PCDHA10: variants seen among roughly 807,000 people sequenced by gnomAD.
PCDHA10 encodes protocadherin alpha-10.
PCDHA10 carries 45 observed loss-of-function variants against 61.2 expected under a neutral mutation model. The ratio of observed to expected loss-of-function variants is 0.74; its 90% CI spans 0.58 to 0.94. The LOEUF (loss-of-function observed/expected upper bound fraction) is 0.94, where lower values mean the gene tolerates loss of function less well. PCDHA10 is among the 40% of genes least tolerant of loss of function. The pLI is 0.00. For synonymous variants in PCDHA10, 602 were observed against 548.8 expected (o/e 1.10, Z -1.35); for missense variants, 1,278 against 1,236.2 (o/e 1.03, Z -0.51).
intron 1 of PCDHA10, chr5:140,968,519 A>G (rs1030847582): frequency 1.2e-6 from 2 of 1,614,008 alleles, no homozygotes; most frequent in South Asian, 1.1e-5. Flanking sequence ...CCCTACCTCA[A>G]CCAACTCGTC....
At chr5:140,871,659 T>C (rs2153275031) in intron 1 of PCDHA10, 1 of 1,218,398 alleles carries the variant, frequency 8.2e-7, no homozygotes, top group Non-Finnish European at 1.1e-6. Context: ...GATACACATC[T>C]TCAGTCTTTT....
chr5:140,918,748 C>T (rs1303112000), intron 1 of PCDHA10, among the ~76,000 whole-genome samples: 1 of 152,110 alleles, frequency 6.6e-6, no homozygotes, highest in Non-Finnish European at 1.5e-5. Flanking sequence ...ATAAAAGAGG[C>T]CCAGAGAGGT....
intron 3 of PCDHA10, among the ~76,000 whole-genome samples, chr5:140,995,010 T>A (rs1382186138): frequency 6.6e-6 from 1 of 152,156 alleles, no homozygotes; most frequent in Non-Finnish European, 1.5e-5. Context: ...TTGTTTATAT[T>A]TAGGAAAGAA....
At chr5:140,902,125 A>G (rs530625414) in intron 1 of PCDHA10, among the ~76,000 whole-genome samples, 27 of 150,728 alleles carry the variant, frequency 1.8e-4, no homozygotes, top group African/African-American at 6.1e-4. Context: ...CTGAGATTAT[A>G]TCATCTGCAA....
At position 141,011,260 on chromosome 5, in the gene PCDHA10, C is replaced by T. The variant is rs2098420018; in HGVS notation, c.*1323C>T. On this transcript the variant is annotated 3_prime_UTR_variant, in exon 4 of 4. Coordinates refer to ENST00000307360, the MANE Select transcript of PCDHA10 (RefSeq NM_018901.4). ...TGACTTGTCTTGGTGTGCTAGCCTA[C>T]ACCTTCTCTTTGGTTTAGTTTTCCT... The T allele has an allele frequency of 6.5e-6, 1 of 153,766 alleles. No individual in the cohort carries two copies. The highest frequency in any genetic ancestry group is 6.5e-5 in the Admixed American group (1 of 15,278). 9.5% of individuals were successfully genotyped at this position (153,766 alleles called of 1,614,324 possible).
In PCDHA10 at chr5:140,857,908, G is replaced by A. The variant is rs782073504; in HGVS notation, c.1860G>A (p.Pro620=). The A allele has an allele frequency of 1.3e-6, 2 of 1,597,838 alleles. No individual in the cohort carries two copies. The highest frequency in any genetic ancestry group is 1.7e-6 in the Non-Finnish European group (2 of 1,167,552). The change falls in exon 1 of 4, where the codon CCG becomes CCA. Residue 620 remains proline, a synonymous_variant. Transcript: ENST00000307360. ...LQSAAVGARI[P]FRVGLYTGEI... is the part of the protein sequence containing the mutation. ...CGGCGGCGGTTGGTGCACGCATCCC[G>A]TTTCGCGTGGGGCTGTACACGGGCG...
chr5:140,936,235 GA>G (rs1358431789), intron 1 of PCDHA10, among the ~76,000 whole-genome samples: 2 of 152,076 alleles, frequency 1.3e-5, no homozygotes, highest in African/African-American at 4.8e-5. Context: ...TCCTTTTAAA[GA>G]AAACATATCC....
intron 1 of PCDHA10, chr5:140,884,514 CG>C (rs1244903550): frequency 5.0e-6 from 8 of 1,614,058 alleles, no homozygotes; most frequent in Middle Eastern, 1.6e-4. Flanking sequence ...GGGAGTTGGT[CG>C]TACTCGCAGC....
At chr5:140,926,740 A>G (rs1291119790) in intron 1 of PCDHA10, 2 of 1,186,206 alleles carry the variant, frequency 1.7e-6, no homozygotes, top group Non-Finnish European at 2.2e-6. Context: ...CGGGAGGCGC[A>G]ACGTCGGCGG....
At chr5:140,967,171 G>A (rs181864889) in intron 1 of PCDHA10, 2 of 1,611,944 alleles carry the variant, frequency 1.2e-6, no homozygotes, top group Non-Finnish European at 8.5e-7. Flanking sequence ...GCGCCGTTGA[G>A]GTGGAAATAT....
At chr5:141,006,368 C>A (rs1395158727) in intron 3 of PCDHA10, among the ~76,000 whole-genome samples, 1 of 151,954 alleles carries the variant, frequency 6.6e-6, no homozygotes, top group Non-Finnish European at 1.5e-5. Flanking sequence ...CCCACCACCA[C>A]GCCCGGCTAA....
At chr5:140,883,904 G>C in intron 1 of PCDHA10, 1 of 1,613,344 alleles carries the variant, frequency 6.2e-7, no homozygotes, top group Non-Finnish European at 8.5e-7. Context: ...GCCGCCTCTG[G>C]GCAGCAACGT....
intron 1 of PCDHA10, among the ~76,000 whole-genome samples, chr5:140,901,194 T>A (rs562699930): frequency 2.7e-4 from 41 of 152,236 alleles, no homozygotes; most frequent in Non-Finnish European, 5.1e-4. Flanking sequence ...TGCTTTTCTG[T>A]GCAGAAGGTT....
chr5:140,906,337 C>A (rs2072574983), intron 1 of PCDHA10, among the ~76,000 whole-genome samples: 1 of 152,192 alleles, frequency 6.6e-6, no homozygotes, highest in Non-Finnish European at 1.5e-5. Flanking sequence ...ATCCTTCATA[C>A]AACCAAGAAT....
chr5:140,883,175 A>G lies in PCDHA10; in HGVS notation c.2388+24739A>G, dbSNP rs1554177014. ...CATAAATCCGAACAATGGAGAAATTAGGACAAAAGGCAAACTAGATTTCGA... is the reference window on the plus strand; with the variant it reads ...CATAAATCCGAACAATGGAGAAATTGGGACAAAAGGCAAACTAGATTTCGA... On this transcript the variant is annotated intron_variant, in intron 1 of 3. Coordinates refer to ENST00000307360, the MANE Select transcript of PCDHA10 (RefSeq NM_018901.4). 3 of 1,614,060 alleles carry G rather than the reference A, an allele frequency of 1.9e-6. No individual in the cohort carries two copies. Among genetic ancestry groups the G allele is most frequent in the East Asian group, 4.5e-5 (2 of 44,892 alleles).
intron 1 of PCDHA10, chr5:140,969,402 T>C: frequency 6.3e-7 from 1 of 1,579,638 alleles, no homozygotes; most frequent in Non-Finnish European, 8.6e-7. Flanking sequence ...TCCTGTGATT[T>C]GGCTTTATTG....
chr5:140,998,446 T>C (rs1266567801), intron 3 of PCDHA10, among the ~76,000 whole-genome samples: 1 of 152,248 alleles, frequency 6.6e-6, no homozygotes, highest in African/African-American at 2.4e-5. Flanking sequence ...TTATTGTATT[T>C]ATTCATTTAC....
intron 1 of PCDHA10, among the ~76,000 whole-genome samples, chr5:140,924,901 AAAAATAAAATAAAAT>A (rs10667761): frequency 2.0e-3 from 158 of 80,494 alleles, no homozygotes; most frequent in African/African-American, 5.2e-3. Context: ...TCTCAAAAAA[AAAAATAAAATAAAAT>A]AAAATAAAAT....
chr5:140,903,434 A>T (rs1372993909), intron 1 of PCDHA10, among the ~76,000 whole-genome samples: 1 of 152,226 alleles, frequency 6.6e-6, no homozygotes, highest in Non-Finnish European at 1.5e-5. Context: ...AATATGTATC[A>T]GTGGAATTCA....
Sources: allele counts gnomAD v4.1 joint callset (sites outside exome capture counted in the v4.1 genomes callset), GRCh38; gene constraint gnomAD v4.1.1; transcripts MANE v1.5; gene names NCBI Gene and HGNC (gene_info 2026-07-23, HGNC 2026-07-21).